The following RBFOX2 variants were observed in gnomAD, a reference collection of about 807,000 sequenced individuals.
The protein encoded by RBFOX2 is RNA binding protein fox-1 homolog 2.
A neutral mutation model predicts 49.1 loss-of-function variants in RBFOX2; 10 were observed. The observed-to-expected ratio is 0.20, with a 90% CI of 0.13 to 0.35. The LOEUF is 0.35. Among genes scored for constraint, RBFOX2 ranks in the 10% least tolerant of loss-of-function variants. RBFOX2 has a pLI of 1.00. For missense variants in RBFOX2, 323 were observed against 486.9 expected (o/e 0.66, Z 3.17); for synonymous variants, 183 against 187.4 (o/e 0.98, Z 0.19).
rs2146279475 is a variant in RBFOX2 at position 35,759,461 on chromosome 22, G to A, written c.887+427C>T. 6.6e-6 allele frequency among the ~76,000 whole-genome samples: 1 copy of A among 152,332 alleles called. No homozygotes were observed. Reference sequence around the variant, plus strand: ...TGAAACCAAAGGGGAGGACACATGTGACAGCCTCTGCCCCAACACGGGGTG... The same window carrying A: ...TGAAACCAAAGGGGAGGACACATGTAACAGCCTCTGCCCCAACACGGGGTG... On this transcript the variant is annotated intron_variant, in intron 9 of 11. Coordinates refer to ENST00000405409, the Ensembl canonical transcript of RBFOX2. This position sits in a 1 kb window ranked among gnomAD's most constrained non-coding sequence, Gnocchi z 4.6.
At chr22:36,000,826 C>T (rs1479996110) in intron 1 of RBFOX2, among the ~76,000 whole-genome samples, 23 of 152,094 alleles carry the variant, frequency 1.5e-4, no homozygotes, top group Non-Finnish European at 1.5e-5. Context: ...TTTCCCTTAA[C>T]CTGTCTCCAA....
intron 1 of RBFOX2, among the ~76,000 whole-genome samples, chr22:35,838,118 G>A (rs1958018533): frequency 6.6e-6 from 1 of 152,096 alleles, no homozygotes; most frequent in Admixed American, 6.6e-5. Context: ...GAAGAGAGCT[G>A]TTACCCTCTA....
At chr22:35,816,193 C>A (rs1952998322) in intron 1 of RBFOX2, among the ~76,000 whole-genome samples, 1 of 152,202 alleles carries the variant, frequency 6.6e-6, no homozygotes, top group African/African-American at 2.4e-5. Flanking sequence ...ACTCTAGATT[C>A]TTAACTTACA....
intron 1 of RBFOX2, among the ~76,000 whole-genome samples, chr22:35,899,351 A>G (rs1455986183): frequency 6.6e-6 from 1 of 152,046 alleles, no homozygotes; most frequent in Non-Finnish European, 1.5e-5. Flanking sequence ...CTTCTTTGGA[A>G]CCACAGGAAG....
intron 2 of RBFOX2, among the ~76,000 whole-genome samples, chr22:35,787,626 T>C (rs1946681470): frequency 6.6e-6 from 1 of 152,228 alleles, no homozygotes; most frequent in Non-Finnish European, 1.5e-5. Flanking sequence ...TGCTGAAATA[T>C]ATAAATCAGA....
intron 1 of RBFOX2, among the ~76,000 whole-genome samples, chr22:35,927,746 G>C (rs1038177004): frequency 1.3e-5 from 2 of 151,696 alleles, no homozygotes; most frequent in African/African-American, 4.8e-5. Context: ...AAGTTATAAA[G>C]TCCCAAAAAT....
intron 1 of RBFOX2, among the ~76,000 whole-genome samples, chr22:36,026,537 T>TAC (rs1556557809): frequency 7.4e-5 from 10 of 135,560 alleles, no homozygotes; most frequent in African/African-American, 2.9e-4. Flanking sequence ...GATAAATGAA[T>TAC]ACATACACAC....
At chr22:35,986,661 T>A (rs1027999865) in intron 1 of RBFOX2, among the ~76,000 whole-genome samples, 6 of 152,044 alleles carry the variant, frequency 3.9e-5, no homozygotes, top group African/African-American at 1.4e-4. Context: ...CCAAAGTAAA[T>A]GAGATAATGG....
intron 2 of RBFOX2, among the ~76,000 whole-genome samples, chr22:35,784,881 AG>A (rs1946073060): frequency 6.6e-6 from 1 of 152,222 alleles, no homozygotes; most frequent in African/African-American, 2.4e-5. Context: ...CTCCTAGGCC[AG>A]GGCGGTGGCA....
intron 1 of RBFOX2, among the ~76,000 whole-genome samples, chr22:35,884,828 T>A (rs995240160): frequency 2.0e-5 from 3 of 152,246 alleles, no homozygotes; most frequent in African/African-American, 7.2e-5. Context: ...TTACAACATA[T>A]TGGTTAAGAG....
intron 1 of RBFOX2, among the ~76,000 whole-genome samples, chr22:35,904,548 C>G (rs996723267): frequency 6.6e-6 from 1 of 152,150 alleles, no homozygotes; most frequent in South Asian, 2.1e-4. Context: ...GCCACAGATA[C>G]AAACCACAAA....
At chr22:35,939,724 C>T (rs576983987), upstream of RBFOX2, among the ~76,000 whole-genome samples, 28 of 152,222 alleles carry the variant, frequency 1.8e-4, no homozygotes, top group South Asian at 5.8e-3. Context: ...CATGCAAACC[C>T]TAATTTAGTA....
intron 1 of RBFOX2, among the ~76,000 whole-genome samples, chr22:36,013,416 T>C (rs1039533398): frequency 2.6e-5 from 4 of 152,146 alleles, no homozygotes; most frequent in African/African-American, 9.7e-5. Context: ...ACTAAGCACA[T>C]TACATACAGT....
At chr22:35,967,479 G>A (rs2056631785) in intron 1 of RBFOX2, among the ~76,000 whole-genome samples, 1 of 150,718 alleles carries the variant, frequency 6.6e-6, no homozygotes, top group African/African-American at 2.4e-5. Context: ...TATGAATTAA[G>A]CAAGATTACA....
chr22:35,742,319 C>G (rs1437227798), exon 12 of RBFOX2: 1 of 152,418 alleles, frequency 6.6e-6, no homozygotes, highest in Non-Finnish European at 1.5e-5. Flanking sequence ...CGAGGCGAGA[C>G]AGGATTCTGA....
chr22:35,743,918 T>A (rs1931151246), exon 12 of RBFOX2: 1 of 353,240 alleles, frequency 2.8e-6, no homozygotes, highest in Admixed American at 4.8e-5. Flanking sequence ...CATACAGACA[T>A]GGAAATGCAT....
intron 1 of RBFOX2, among the ~76,000 whole-genome samples, chr22:35,932,975 T>C (rs1399415832): frequency 6.6e-6 from 1 of 152,180 alleles, no homozygotes; most frequent in Non-Finnish European, 1.5e-5. Flanking sequence ...TTGACAGAAA[T>C]AAGTTACTCA....
At chr22:35,949,857 T>C (rs1274274448) in intron 1 of RBFOX2, among the ~76,000 whole-genome samples, 1 of 152,192 alleles carries the variant, frequency 6.6e-6, no homozygotes, top group Admixed American at 6.5e-5. Context: ...CTTCCATTAG[T>C]TGGTTGCCTT....
At chr22:35,793,785 T>TA (rs1225527393) in intron 2 of RBFOX2, among the ~76,000 whole-genome samples, 1 of 152,216 alleles carries the variant, frequency 6.6e-6, no homozygotes, top group Non-Finnish European at 1.5e-5. Flanking sequence ...TCTGAGAGTC[T>TA]AATCCTGTTT....
Sources: gnomAD v4.1 joint callset for allele counts (sites outside exome capture counted in the v4.1 genomes callset) on GRCh38, gnomAD v4.1.1 for gene constraint, Gnocchi (gnomAD v3.1) non-coding constraint, MANE v1.5 for transcripts, NCBI Gene and HGNC (gene_info 2026-07-23, HGNC 2026-07-21) for gene names.